The following SPTA1 variants were observed in gnomAD, a reference collection of about 807,000 sequenced individuals.
SPTA1 encodes the protein spectrin alpha chain, erythrocytic 1.
In SPTA1, 177 loss-of-function variants were observed where a neutral mutation model predicts 324.7. That is an observed-to-expected ratio of 0.55 (90% CI 0.48 to 0.62). The LOEUF (loss-of-function observed/expected upper bound fraction) is 0.62, where lower values mean the gene tolerates loss of function less well. Among genes scored for constraint, SPTA1 ranks in the 20% least tolerant of loss-of-function variants. SPTA1 has a pLI of 0.00. For synonymous variants in SPTA1, 1,195 were observed against 1,041.3 expected, an observed-to-expected ratio of 1.15 and a Z score of -2.84; for missense variants, 3,162 against 2,883.6, an observed-to-expected ratio of 1.10 and a Z score of -2.21.
chr1:158,638,446 A>G (rs1030245342), intron 35 of SPTA1, among the ~76,000 whole-genome samples: 1 of 152,184 alleles, frequency 6.6e-6, no homozygotes, highest in Non-Finnish European at 1.5e-5. Context: ...GCATGACTAC[A>G]TTACTCAAAC....
intron 33 of SPTA1, among the ~76,000 whole-genome samples, chr1:158,640,830 A>G (rs1327432812): frequency 6.6e-6 from 1 of 152,218 alleles, no homozygotes; most frequent in African/African-American, 2.4e-5. Context: ...TATGGAACCA[A>G]AAAAGAGCCT....
chr1:158,616,000 A>T (rs1271067615), intron 47 of SPTA1, among the ~76,000 whole-genome samples: 1 of 152,210 alleles, frequency 6.6e-6, no homozygotes, highest in African/African-American at 2.4e-5. Flanking sequence ...AATATTGCTC[A>T]TAAGGGTAAG....
chr1:158,629,584 A>G (rs991447800), intron 39 of SPTA1, among the ~76,000 whole-genome samples: 16 of 152,098 alleles, frequency 1.1e-4, no homozygotes, highest in Admixed American at 2.0e-4. Flanking sequence ...ATCATATTTA[A>G]TGGTGAAACT....
In SPTA1 at chr1:158,659,607, T is replaced by A. The variant is rs977040858; in HGVS notation, c.2587+1680A>T. ...TAGTCTTAGCATTATTTTTTTTTTT[T>A]TTTTTTTTTTTTTTGAGACGGAGTC... On this transcript the variant is annotated intron_variant, in intron 18 of 51. Transcript: ENST00000643759. Among the ~76,000 whole-genome samples, 4 of 103,498 alleles carry A rather than the reference T, an allele frequency of 3.9e-5. 1 individual carries two copies. The highest frequency in any genetic ancestry group is 6.1e-5 in the African/African-American group (2 of 32,542). 67.9% of individuals were successfully genotyped at this position (103,498 alleles called of 152,430 possible).
At position 158,612,857 on chromosome 1, in the gene SPTA1, G is replaced by A. The variant is rs761063050; in HGVS notation, c.7094C>T (p.Ala2365Val). 18 of 1,613,834 alleles carry A rather than the reference G, an allele frequency of 1.1e-5. 1 individual carries two copies. The highest frequency in any genetic ancestry group is 2.2e-5 in the East Asian group (1 of 44,868). Reference protein sequence around the residue: ...DEIENAFQALAEGKSYITKED... With the variant: ...DEIENAFQALVEGKSYITKED... ...TTTGGTAATATATGACTTGCCCTCT[G>A]CCAGGGCTTGGAAGGCATTCTCTAT... Residue 2365 changes from alanine to valine, a missense_variant, in exon 51 of 52, where the codon GCA becomes GTA. By Grantham distance (64) the Ala-to-Val change is moderately conservative. Transcript: ENST00000643759.
intron 43 of SPTA1, 165 bp downstream of exon 43, chr1:158,622,818 T>C: frequency 1.4e-6 from 1 of 695,648 alleles, no homozygotes; most frequent in Non-Finnish European, 2.4e-6. Context: ...TTTTAAAGCT[T>C]CTTTTCAATC....
intron 11 of SPTA1, 141 bp from the exon 12 acceptor site, chr1:158,671,594 C>CTT: frequency 1.4e-6 from 1 of 710,628 alleles, no homozygotes; most frequent in East Asian, 2.7e-5. Context: ...TAGAAATTAA[C>CTT]TTTAAACAGC....
intron 35 of SPTA1, 31 bp from the exon 36 acceptor site, chr1:158,638,272 T>C (rs1248771885): frequency 5.0e-6 from 8 of 1,597,328 alleles, no homozygotes; most frequent in Middle Eastern, 1.7e-4. Flanking sequence ...CAGTGAATAG[T>C]ATAGTATAGG....
chr1:158,626,591 T>A (rs1462578428), intron 41 of SPTA1, among the ~76,000 whole-genome samples: 1 of 152,178 alleles, frequency 6.6e-6, no homozygotes, highest in Non-Finnish European at 1.5e-5. Flanking sequence ...AAAAATGTGT[T>A]CTCTGGAGTT....
In SPTA1 at chr1:158,638,185, G is replaced by A. The variant is rs1312734828; in HGVS notation, c.5037C>T (p.Phe1679=). ...LAEDLLSSGT[F]NVDQIVKKKD... ...TTTTCTTCACAATCTGATCAACGTT[G>A]AAAGTCCCGCTGGAGAGCAAATCTT... Residue 1679 remains phenylalanine, a synonymous_variant, in exon 36 of 52, where the codon TTC becomes TTT. Coordinates refer to ENST00000643759, the MANE Select transcript of SPTA1 (RefSeq NM_003126.4). 30 of 1,613,698 alleles carry A rather than the reference G, an allele frequency of 1.9e-5. No individual in the cohort carries two copies. The highest frequency in any genetic ancestry group is 2.5e-5 in the Non-Finnish European group (30 of 1,179,962).
intron 43 of SPTA1, among the ~76,000 whole-genome samples, chr1:158,621,036 C>T (rs958492223): frequency 6.6e-6 from 1 of 152,036 alleles, no homozygotes; most frequent in Non-Finnish European, 1.5e-5. Flanking sequence ...TCATTTTATG[C>T]CTGAAGCTTT....
chr1:158,620,773 G>T, intron 43 of SPTA1: 2 of 205,136 alleles, frequency 9.7e-6, no homozygotes, highest in Non-Finnish European at 9.3e-6. Flanking sequence ...AGCAAAGGTA[G>T]TTTTCAATTA....
At chr1:158,651,948 C>T (rs1375048713) in intron 23 of SPTA1, among the ~76,000 whole-genome samples, 1 of 150,860 alleles carries the variant, frequency 6.6e-6, no homozygotes, top group Non-Finnish European at 1.5e-5. Flanking sequence ...TTAAATCCCA[C>T]GTGGAAGATA....
At chr1:158,623,265 A>G in intron 42 of SPTA1, 73 bp from the exon 43 acceptor site, 3 of 1,266,330 alleles carry the variant, frequency 2.4e-6, no homozygotes, top group Non-Finnish European at 3.5e-6. Flanking sequence ...GTTCCACCAG[A>G]TTTTAATCAT....
intron 36 of SPTA1, 149 bp from the exon 37 acceptor site, chr1:158,636,910 A>G (rs779242867): frequency 2.9e-4 from 398 of 1,386,508 alleles, no homozygotes; most frequent in Non-Finnish European, 3.8e-4. Context: ...CCAAAAATAT[A>G]ATTAGTGGAA....
chr1:158,627,109 A>G lies in SPTA1; in HGVS notation c.5665-102T>C, dbSNP rs1254824532. The G allele has an allele frequency of 2.7e-6, 4 of 1,470,578 alleles. No homozygotes were observed. In the Admixed American group the frequency reaches 5.1e-5, roughly 19 times the overall value. 91.1% of individuals were successfully genotyped at this position (1,470,578 alleles called of 1,614,324 possible). A position where few individuals can be genotyped will look rare whatever the true frequency, so the allele number is the denominator to read the frequency against. On this transcript the variant is annotated intron_variant, in intron 40 of 51. Coordinates refer to ENST00000643759, the MANE Select transcript of SPTA1 (RefSeq NM_003126.4). ...CACTCATCTCTCCCATTTCAAATAT[A>G]TAACCAAGTGTGACCGTCTTAGTTT...
In SPTA1 at chr1:158,647,605, C is replaced by T. The variant is rs201407861; in HGVS notation, c.3830G>A (p.Arg1277His). 8.8e-5 allele frequency: 142 copies of T among 1,613,760 alleles called. No homozygotes were observed. The highest frequency in any genetic ancestry group is 1.7e-4 in the Middle Eastern group (1 of 6,056). The change falls in exon 27 of 52, where the codon CGT becomes CAT. Residue 1277 changes from arginine to histidine, a missense_variant. Arg to His is a conservative substitution (Grantham distance 29, BLOSUM62 0). Transcript: ENST00000643759. The stretch of plus-strand genomic sequence containing the variant: ...TAGGCTCTCCTTACGATCCTTTGTA[C>T]GCCCCTGCAGGTCTTCCCAGGCCTC... ...LNEAWEDLQGRTKDRKESLNE... is the reference protein window; with the variant it reads ...LNEAWEDLQGHTKDRKESLNE...
intron 20 of SPTA1, 37 bp downstream of exon 20, chr1:158,656,527 G>T: frequency 1.3e-6 from 2 of 1,552,056 alleles, no homozygotes; most frequent in East Asian, 2.2e-5. Flanking sequence ...CTTTGTGGTG[G>T]GAAGTGTGAA....
chr1:158,627,748 T>G (rs1385646704), intron 39 of SPTA1, 25 bp from the exon 40 acceptor site: 1 of 1,603,318 alleles, frequency 6.2e-7, no homozygotes. Context: ...CGGTGAGAAT[T>G]AAGATATCCA....
Sources: gnomAD v4.1 joint callset for allele counts (sites outside exome capture counted in the v4.1 genomes callset) on GRCh38, gnomAD v4.1.1 for gene constraint, MANE v1.5 for transcripts, NCBI Gene and HGNC (gene_info 2026-07-23, HGNC 2026-07-21) for gene names.